POLE4: variants seen among roughly 807,000 people sequenced by gnomAD.
POLE4 encodes DNA polymerase epsilon 4, accessory subunit.
Under a neutral mutation model 15.6 loss-of-function variants are expected in POLE4, and 15 were observed. The observed-to-expected ratio is 0.96, with a 90% confidence interval of 0.64 to 1.48. The LOEUF (loss-of-function observed/expected upper bound fraction) is 1.48, where lower values mean the gene tolerates loss of function less well. Ranked by LOEUF, POLE4 falls within the 40% of genes most tolerant of loss-of-function variation. The pLI is 0.00. For missense variants in POLE4, 205 were observed against 151.9 expected, an observed-to-expected ratio of 1.35 and a Z score of -1.84; for synonymous variants, 83 against 63.2, an observed-to-expected ratio of 1.31 and a Z score of -1.49.
Position 74,958,725 on chromosome 2 carries a change from G to A in POLE4, c.46G>A (p.Glu16Lys), listed in dbSNP as rs1671161730. 2 of 1,514,448 alleles carry A rather than the reference G, an allele frequency of 1.3e-6. No homozygotes were observed. The highest frequency in any genetic ancestry group is 2.7e-5 in the East Asian group (1 of 36,640). The allele number at this position is 1,514,448 out of a possible 1,614,324, so 93.8% of individuals were successfully genotyped here. A position where few individuals can be genotyped will look rare whatever the true frequency, so the allele number is the denominator to read the frequency against. The change falls in exon 1 of 4, where the codon GAG (glutamate) becomes AAG (lysine). Residue 16 changes from glutamate to lysine, a missense_variant. Physicochemically the swap from Glu to Lys is moderately conservative, Grantham distance 56 (BLOSUM62 1). Transcript: ENST00000483063. ...AGGAAGCGGGACGCCCCGAGAGGAG[G>A]AGGGACCTGCTGGGGAGGCAGCGGC... ...AAGSGTPREEEGPAGEAAASQ... is the reference protein window; with the variant it reads ...AAGSGTPREEKGPAGEAAASQ...
At chr2:74,959,506 C>G in intron 2 of POLE4, 81 bp downstream of exon 2, 1 of 882,550 alleles carries the variant, frequency 1.1e-6, no homozygotes. Context: ...GAAGACGTCA[C>G]TCTGATCTGA....
In POLE4 at chr2:74,959,407, C is replaced by T. The variant is rs140595434; in HGVS notation, c.280C>T (p.Leu94Phe). ...CGCTCAGCAGGGAAAAAGGAAAACC[C>T]TTCAGAGGAGAGACTTGGGTAGAGT... is the stretch of plus-strand genomic sequence containing the variant. ...CCAQQGKRKT[L>F]QRRDLDNAIE... The change falls in exon 2 of 4, where the codon CTT becomes TTT. Residue 94 changes from leucine (L) to phenylalanine (F), a missense_variant. Physicochemically the swap from Leu to Phe is conservative, Grantham distance 22. Coordinates refer to ENST00000483063, the MANE Select transcript of POLE4 (RefSeq NM_019896.4). 1 of 1,611,472 alleles carries T rather than the reference C, an allele frequency of 6.2e-7. No individual in the cohort carries two copies. Among genetic ancestry groups the T allele is most frequent in the African/African-American group, 1.3e-5 (1 of 74,878 alleles).
At chr2:74,960,680 C>T (rs145495467) in intron 3 of POLE4, 132 of 444,580 alleles carry the variant, frequency 3.0e-4, no homozygotes, top group African/African-American at 2.4e-3. Flanking sequence ...AGCCTCAGAG[C>T]GATTTCTGCT....
In POLE4 at chr2:74,958,989, C is replaced by T. The variant is rs1573425641; in HGVS notation, c.213+97C>T. On this transcript the variant is annotated intron_variant, in intron 1 of 3. Transcript: ENST00000483063. ...CGGGCGGGGCTTAGGGCGGCGTGGC[C>T]CGGGTTTTGAGATGTGGGCGTGGAC... is the stretch of plus-strand genomic sequence containing the variant. The T allele has an allele frequency of 1.2e-5, 14 of 1,204,490 alleles. No homozygotes were observed. The East Asian group carries it at 3.4e-4, about 30-fold the overall frequency. 74.6% of individuals were successfully genotyped at this position (1,204,490 alleles called of 1,614,324 possible). A position where few individuals can be genotyped will look rare whatever the true frequency, so the allele number is the denominator to read the frequency against.
rs117145642 is a variant in POLE4, at chr2:74,967,077, A to G, written c.341-2332A>G. Reference sequence around the variant, plus strand: ...CAGAGGTGTGGATTTCTTTTTATGTAGTTTGTTTGAGCTTCTTGAATCTAT... The same window carrying G: ...CAGAGGTGTGGATTTCTTTTTATGTGGTTTGTTTGAGCTTCTTGAATCTAT... On this transcript the variant is annotated intron_variant, in intron 3 of 3. Coordinates refer to ENST00000483063, the MANE Select transcript of POLE4 (RefSeq NM_019896.4). Among the ~76,000 whole-genome samples, 114 of 152,086 alleles carry G rather than the reference A, an allele frequency of 7.5e-4. 1 individual carries two copies. In the East Asian group the frequency reaches 0.02, roughly 26 times the overall value.
intron 3 of POLE4, among the ~76,000 whole-genome samples, chr2:74,964,427 A>G (rs1671268782): frequency 6.6e-6 from 1 of 152,170 alleles, no homozygotes; most frequent in Admixed American, 6.5e-5. Context: ...CGATATCTTT[A>G]CAATAGTGAA....
chr2:74,959,805 G>A (rs890411480), intron 2 of POLE4: 4 of 458,650 alleles, frequency 8.7e-6, no homozygotes, highest in Admixed American at 3.9e-5. Context: ...CTATTGCCAC[G>A]TTCTTCTCTG....
intron 3 of POLE4, among the ~76,000 whole-genome samples, chr2:74,969,040 C>G (rs1042191987): frequency 1.3e-5 from 2 of 152,268 alleles, no homozygotes; most frequent in African/African-American, 4.8e-5. Context: ...CCCAGTCCCC[C>G]ATCTGGAACT....
At chr2:74,959,064 C>A in intron 1 of POLE4, 172 bp downstream of exon 1, 1 of 635,190 alleles carries the variant, frequency 1.6e-6, no homozygotes. Context: ...TTTGTTAACA[C>A]TCCTCCCTCT....
rs556142692 is a variant in POLE4, at chr2:74,958,887, G to A, written c.208G>A (p.Ala70Thr). 16 of 1,554,656 alleles carry A rather than the reference G, an allele frequency of 1.0e-5. No homozygotes were observed. Among genetic ancestry groups the A allele is most frequent in the Non-Finnish European group, 1.4e-5 (16 of 1,148,822 alleles). Residue 70 changes from alanine to threonine, a missense_variant, in exon 1 of 4, where the codon GCC (alanine) becomes ACC (threonine). Ala to Thr is a moderately conservative substitution (Grantham distance 58). Coordinates refer to ENST00000483063, the MANE Select transcript of POLE4 (RefSeq NM_019896.4). Reference sequence around the variant, plus strand: ...GGAAGCCATCTTCATTCTGGCACGAGCCGCGGTGCGCCTGCAGCGCGAGGG... The same window carrying A: ...GGAAGCCATCTTCATTCTGGCACGAACCGCGGTGCGCCTGCAGCGCGAGGG... Reference protein sequence around the residue: ...GQEAIFILARAAELFVETIAK... With the variant: ...GQEAIFILARTAELFVETIAK...
intron 1 of POLE4, 148 bp downstream of exon 1, chr2:74,959,040 G>A: frequency 5.7e-6 from 4 of 705,412 alleles, no homozygotes; most frequent in Admixed American, 2.9e-5. Context: ...AAGGGGCCGG[G>A]GACCTGTGCG....
chr2:74,969,612 C>G lies in POLE4; in HGVS notation c.*190C>G. The G allele has an allele frequency of 1.6e-6, 1 of 643,514 alleles. No homozygotes were observed. The highest frequency in any genetic ancestry group is 2.8e-6 in the Non-Finnish European group (1 of 355,510). The allele number at this position is 643,514 out of a possible 1,614,324, so 39.9% of individuals were successfully genotyped here. On this transcript the variant is annotated 3_prime_UTR_variant, in exon 4 of 4. Transcript: ENST00000483063. ...CTGCAAGGTCTTCCACTATTTCTGT[C>G]TGTCTTCCATATCAAGCCTGGATGC...
At position 74,958,678 on chromosome 2, in the gene POLE4, G is replaced by A. The variant is rs745380577; in HGVS notation, c.-2G>A. On this transcript the variant is annotated 5_prime_UTR_variant, in exon 1 of 4. Coordinates refer to ENST00000483063, the MANE Select transcript of POLE4 (RefSeq NM_019896.4). ...GCCGCGCGCAGCACGCTCAAGGCCGGGATGGCGGCGGCGGCGGCGGCAGGA... is the reference window on the plus strand; with the variant it reads ...GCCGCGCGCAGCACGCTCAAGGCCGAGATGGCGGCGGCGGCGGCGGCAGGA... The A allele has an allele frequency of 1.4e-6, 2 of 1,457,160 alleles. No individual in the cohort carries two copies. The highest frequency in any genetic ancestry group is 1.8e-6 in the Non-Finnish European group (2 of 1,110,688). The allele number at this position is 1,457,160 out of a possible 1,614,324, so 90.3% of individuals were successfully genotyped here.
chr2:74,964,854 T>C (rs905228018), intron 3 of POLE4, among the ~76,000 whole-genome samples: 1 of 152,120 alleles, frequency 6.6e-6, no homozygotes, highest in Non-Finnish European at 1.5e-5. Context: ...CTTGCCCTAC[T>C]GAACTGGCTA....
intron 3 of POLE4, among the ~76,000 whole-genome samples, chr2:74,965,574 C>T (rs1671283765): frequency 6.6e-6 from 1 of 152,098 alleles, no homozygotes; most frequent in African/African-American, 2.4e-5. Flanking sequence ...GCTTATTTTA[C>T]CTGTTTCAAA....
chr2:74,964,338 T>C (rs896757588), intron 3 of POLE4, among the ~76,000 whole-genome samples: 1 of 152,212 alleles, frequency 6.6e-6, no homozygotes, highest in Non-Finnish European at 1.5e-5. Context: ...TTCATGTACA[T>C]TTTAGAATCT....
chr2:74,959,147 T>C, intron 1 of POLE4, 194 bp from the exon 2 acceptor site: 1 of 612,868 alleles, frequency 1.6e-6, no homozygotes, highest in Non-Finnish European at 2.9e-6. Context: ...TAGGAGTCTT[T>C]AGTGAATGAG....
At chr2:74,967,876 G>T (rs766042291) in intron 3 of POLE4, among the ~76,000 whole-genome samples, 5 of 152,194 alleles carry the variant, frequency 3.3e-5, no homozygotes, top group Non-Finnish European at 5.9e-5. Flanking sequence ...AACTCAGGCT[G>T]CAGGCCTGTG....
intron 2 of POLE4, chr2:74,959,768 T>A: frequency 2.3e-6 from 1 of 436,690 alleles, no homozygotes; most frequent in Non-Finnish European, 4.1e-6. Context: ...TAAGATTTCG[T>A]ATACCGTATT....
Sources: gnomAD v4.1 joint callset for allele counts (sites outside exome capture counted in the v4.1 genomes callset) on GRCh38, gnomAD v4.1.1 for gene constraint, MANE v1.5 for transcripts, NCBI Gene and HGNC (gene_info 2026-07-23, HGNC 2026-07-21) for gene names.